LRRTM4: variants seen among roughly 807,000 people sequenced by gnomAD.
LRRTM4 encodes the protein leucine rich repeat transmembrane neuronal 4, also known as leucine-rich repeat transmembrane neuronal protein 4.
In LRRTM4, 25 loss-of-function variants were observed where a neutral mutation model predicts 47.6. The ratio of observed to expected loss-of-function variants is 0.53; its 90% CI spans 0.38 to 0.73. The LOEUF is 0.73. LRRTM4 is among the 30% of genes least tolerant of loss of function. The probability of loss-of-function intolerance (pLI) is 0.00; values close to 1 mark genes in which losing one functional copy is unlikely to be tolerated. For synonymous variants in LRRTM4, 311 were observed against 269.5 expected, an observed-to-expected ratio of 1.15 and a Z score of -1.51; for missense variants, 638 against 713.4, an observed-to-expected ratio of 0.89 and a Z score of 1.20.
intron 3 of LRRTM4, among the ~76,000 whole-genome samples, chr2:77,227,920 A>T (rs369204561): frequency 6.6e-6 from 1 of 152,082 alleles, no homozygotes; most frequent in East Asian, 1.9e-4. Context: ...ATGAGATATC[A>T]TAAGACTAGT....
chr2:77,159,822 CT>C (rs1427854047), intron 3 of LRRTM4, among the ~76,000 whole-genome samples: 4 of 152,094 alleles, frequency 2.6e-5, no homozygotes, highest in Non-Finnish European at 5.9e-5. Flanking sequence ...AAAAATGTTT[CT>C]GTATGGTAAC....
At chr2:77,264,673 G>A (rs1303474295) in intron 3 of LRRTM4, among the ~76,000 whole-genome samples, 1 of 152,084 alleles carries the variant, frequency 6.6e-6, no homozygotes, top group Non-Finnish European at 1.5e-5. Context: ...CTTTGGAAAA[G>A]CAATAATATT....
At chr2:77,071,259 G>A (rs1252968630) in intron 3 of LRRTM4, among the ~76,000 whole-genome samples, 1 of 151,916 alleles carries the variant, frequency 6.6e-6, no homozygotes. Context: ...ACTTTAATTT[G>A]TTTGTGCTTC....
chr2:77,270,151 A>G (rs1000442289), intron 3 of LRRTM4, among the ~76,000 whole-genome samples: 11 of 152,226 alleles, frequency 7.2e-5, no homozygotes, highest in African/African-American at 2.7e-4. Context: ...GGCCAAAGTA[A>G]AAACCTCTAC....
At chr2:76,835,576 C>T (rs1219820878) in intron 3 of LRRTM4, among the ~76,000 whole-genome samples, 1 of 151,970 alleles carries the variant, frequency 6.6e-6, no homozygotes, top group East Asian at 1.9e-4. Context: ...AAAATAAATG[C>T]TCTGATCATA....
At chr2:76,758,412 A>G (rs562306687) in intron 3 of LRRTM4, among the ~76,000 whole-genome samples, 2 of 152,306 alleles carry the variant, frequency 1.3e-5, no homozygotes, top group East Asian at 3.9e-4. Flanking sequence ...AGAAAACTGC[A>G]GAGGACATAC....
chr2:77,159,531 A>G (rs1360763660), intron 3 of LRRTM4, among the ~76,000 whole-genome samples: 1 of 151,770 alleles, frequency 6.6e-6, no homozygotes, highest in African/African-American at 2.4e-5. Flanking sequence ...TGGAAAAAAA[A>G]AAAAAGAAAA....
intron 3 of LRRTM4, among the ~76,000 whole-genome samples, chr2:77,233,535 GTTTA>G (rs1300946859): frequency 3.3e-5 from 5 of 150,082 alleles, no homozygotes; most frequent in Middle Eastern, 3.4e-3. Flanking sequence ...ACTATATTTT[GTTTA>G]TTTAATTTTC....
At chr2:77,517,921 T>C (rs1410349094) in intron 3 of LRRTM4, 1 of 993,852 alleles carries the variant, frequency 1.0e-6, no homozygotes, top group Non-Finnish European at 1.2e-6. Flanking sequence ...ACTCACTTTA[T>C]TTTTAAATTA....
At chr2:76,787,612 T>C (rs115921726) in intron 3 of LRRTM4, among the ~76,000 whole-genome samples, 14 of 151,942 alleles carry the variant, frequency 9.2e-5, no homozygotes, top group African/African-American at 3.1e-4. Context: ...ATTGAAAAAA[T>C]ATTTTCTATT....
intron 3 of LRRTM4, among the ~76,000 whole-genome samples, chr2:76,847,822 T>G (rs1218838199): frequency 6.6e-6 from 1 of 152,138 alleles, no homozygotes; most frequent in African/African-American, 2.4e-5. Flanking sequence ...TAATAAAATT[T>G]TATAAACATT....
chr2:77,101,886 T>C (rs1670964264), intron 3 of LRRTM4, among the ~76,000 whole-genome samples: 1 of 151,600 alleles, frequency 6.6e-6, no homozygotes, highest in Non-Finnish European at 1.5e-5. Flanking sequence ...TCCCAGTTTT[T>C]CGTAAGCCTG....
chr2:77,309,780 C>G (rs2104193062), intron 3 of LRRTM4, among the ~76,000 whole-genome samples: 1 of 152,168 alleles, frequency 6.6e-6, no homozygotes, highest in South Asian at 2.1e-4. Flanking sequence ...CAGCAAAAAG[C>G]TAAAATAAAC....
chr2:76,894,090 G>A (rs17013302), intron 3 of LRRTM4, among the ~76,000 whole-genome samples: 5 of 151,982 alleles, frequency 3.3e-5, no homozygotes, highest in African/African-American at 9.6e-5. Context: ...ACCACTGTAC[G>A]ATGTTAAAAA....
At chr2:77,382,373 A>G (rs1673087911) in intron 3 of LRRTM4, among the ~76,000 whole-genome samples, 1 of 152,224 alleles carries the variant, frequency 6.6e-6, no homozygotes, top group African/African-American at 2.4e-5. Flanking sequence ...TCAGATAGCT[A>G]CAGGCTCTGG....
chr2:77,403,011 T>G (rs1674022030), intron 3 of LRRTM4, among the ~76,000 whole-genome samples: 1 of 152,046 alleles, frequency 6.6e-6, no homozygotes, highest in Admixed American at 6.6e-5. Flanking sequence ...CATCATTTTT[T>G]AAGATTCCTG....
rs560262982 is a variant in LRRTM4 at position 77,063,322 on chromosome 2, A to C, written c.1552-314406T>G. Among the ~76,000 whole-genome samples the C allele has an allele frequency of 2.7e-3, 407 of 152,266 alleles. 6 individuals carry two copies. The highest frequency in any genetic ancestry group is 8.5e-3 in the African/African-American group (354 of 41,572). ...TCATTGTGTCCAGGTTTTATATCAC[A>C]GTAAGATCTCCAAAGACTTGTTTTA... is the stretch of plus-strand genomic sequence containing the variant. On this transcript the variant is annotated intron_variant, in intron 3 of 3. Transcript: ENST00000409884.
intron 3 of LRRTM4, among the ~76,000 whole-genome samples, chr2:77,325,249 A>G (rs1389509373): frequency 6.6e-6 from 1 of 152,110 alleles, no homozygotes; most frequent in Admixed American, 6.6e-5. Flanking sequence ...GGAACAAACA[A>G]ACAAAAAAAA....
intron 3 of LRRTM4, among the ~76,000 whole-genome samples, chr2:77,243,220 C>G (rs1675319942): frequency 6.6e-6 from 1 of 151,876 alleles, no homozygotes. Flanking sequence ...CGAGAACAGC[C>G]TCAACATGGA....
Sources: gnomAD v4.1 joint callset for allele counts (sites outside exome capture counted in the v4.1 genomes callset) on GRCh38, gnomAD v4.1.1 for gene constraint, MANE v1.5 for transcripts, NCBI Gene and HGNC (gene_info 2026-07-23, HGNC 2026-07-21) for gene names.